Variants in SCAND3 observed in about 807,000 individuals in gnomAD.
SCAND3 encodes SCAN domain containing 3, also known as SCAN domain-containing protein 3.
At chr6:28,572,947 G>C in the SCAND3 span, 2 of 1,613,894 alleles carry the variant, frequency 1.2e-6, no homozygotes, top group East Asian at 2.2e-5. This position sits in a 1 kb window ranked among gnomAD's most constrained non-coding sequence, Gnocchi z 4.1. Flanking sequence ...TACCACTTCA[G>C]AATGTTTTCC....
chr6:28,572,241 G>T, the SCAND3 span: 13 of 1,613,418 alleles, frequency 8.1e-6, no homozygotes, highest in South Asian at 1.4e-4. The surrounding 1 kb of genome is among the most constrained non-coding windows in gnomAD (Gnocchi z 4.1). Flanking sequence ...TTAAATTTAA[G>T]TTATCTTTTG....
the SCAND3 span, chr6:28,572,678 T>C: frequency 3.1e-6 from 5 of 1,614,112 alleles, no homozygotes; most frequent in Non-Finnish European, 3.4e-6. This position sits in a 1 kb window ranked among gnomAD's most constrained non-coding sequence, Gnocchi z 4.1. Flanking sequence ...ATTTCAAACA[T>C]TCTTGACAGA....
At chr6:28,575,230 G>A in the SCAND3 span, 1 of 1,614,016 alleles carries the variant, frequency 6.2e-7, no homozygotes. This position sits in a 1 kb window ranked among gnomAD's most constrained non-coding sequence, Gnocchi z 4.2. Context: ...CCAGTGTGAT[G>A]AGTTGTTAGT....
chr6:28,571,208 G>C, the SCAND3 span: 6 of 152,234 alleles, frequency 3.9e-5, no homozygotes, highest in Non-Finnish European at 8.8e-5. Flanking sequence ...CAGTTACTCG[G>C]AAGACTGAGG....
the SCAND3 span, chr6:28,575,821 GT>G: frequency 6.2e-7 from 1 of 1,613,926 alleles, no homozygotes; most frequent in Non-Finnish European, 8.5e-7. The surrounding 1 kb of genome is among the most constrained non-coding windows in gnomAD (Gnocchi z 4.2). Flanking sequence ...TATTTTATCT[GT>G]TTCCCCATTT....
the SCAND3 span, among the ~76,000 whole-genome samples, chr6:28,601,463 A>G: frequency 6.6e-6 from 1 of 152,164 alleles, no homozygotes; most frequent in East Asian, 1.9e-4. Context: ...TTTCGATGCA[A>G]GCGTTAGCTG....
the SCAND3 span, chr6:28,573,101 C>A: frequency 6.2e-7 from 1 of 1,607,722 alleles, no homozygotes; most frequent in East Asian, 2.2e-5. Context: ...AAAAAGAACT[C>A]TTCCTTTATA....
chr6:28,593,120 G>A, the SCAND3 span, among the ~76,000 whole-genome samples: 1 of 151,532 alleles, frequency 6.6e-6, no homozygotes. Flanking sequence ...AAGTGAAGAG[G>A]CAAACCACAG....
the SCAND3 span, among the ~76,000 whole-genome samples, chr6:28,580,793 C>A: frequency 8.9e-6 from 1 of 112,006 alleles, no homozygotes; most frequent in Admixed American, 9.8e-5. Flanking sequence ...GACTCTCCCC[C>A]ACCCCCCCAC....
the SCAND3 span, among the ~76,000 whole-genome samples, chr6:28,597,187 T>A: frequency 7.2e-5 from 11 of 152,204 alleles, no homozygotes; most frequent in African/African-American, 2.7e-4. Context: ...TTTGAGAGAA[T>A]CTTGTACTCA....
At chr6:28,603,996 G>A in the SCAND3 span, among the ~76,000 whole-genome samples, 1 of 152,192 alleles carries the variant, frequency 6.6e-6, no homozygotes, top group African/African-American at 2.4e-5. Flanking sequence ...CTTATACAGT[G>A]ATAGTGTTCC....
chr6:28,574,868 C>G, the SCAND3 span: 3 of 1,613,920 alleles, frequency 1.9e-6, no homozygotes, highest in Non-Finnish European at 2.5e-6. Context: ...CAACTATTAA[C>G]ACCTGTGCAT....
the SCAND3 span, chr6:28,579,530 T>C: frequency 9.9e-7 from 1 of 1,011,522 alleles, no homozygotes; most frequent in Non-Finnish European, 1.5e-6. The surrounding 1 kb of genome is among the most constrained non-coding windows in gnomAD (Gnocchi z 4.5). Flanking sequence ...CAGTCTTTAC[T>C]GAATTCTTAA....
At chr6:28,593,451 G>C in the SCAND3 span, 2 of 151,940 alleles carry the variant, frequency 1.3e-5, no homozygotes, top group Admixed American at 1.3e-4. Flanking sequence ...GAGGCGGGCG[G>C]ATCACCTGAG....
the SCAND3 span, among the ~76,000 whole-genome samples, chr6:28,606,275 A>T: frequency 3.3e-5 from 5 of 152,134 alleles, no homozygotes; most frequent in Admixed American, 1.3e-4. Context: ...TCAACTTTTT[A>T]GTGAGTTATA....
At chr6:28,586,385 C>G in the SCAND3 span, 25 of 1,614,068 alleles carry the variant, frequency 1.5e-5, no homozygotes, top group Admixed American at 3.3e-5. This position sits in a 1 kb window ranked among gnomAD's most constrained non-coding sequence, Gnocchi z 4.4. Context: ...GCTCCCGCAC[C>G]CAAGACTGGA....
At chr6:28,583,128 C>T in the SCAND3 span, among the ~76,000 whole-genome samples, 3 of 151,858 alleles carry the variant, frequency 2.0e-5, no homozygotes, top group African/African-American at 7.3e-5. Flanking sequence ...CACGGTGGCT[C>T]ACGCCTGTAT....
At chr6:28,597,314 G>C in the SCAND3 span, among the ~76,000 whole-genome samples, 1 of 152,172 alleles carries the variant, frequency 6.6e-6, no homozygotes, top group Non-Finnish European at 1.5e-5. Context: ...CATCCTTTCA[G>C]AGGGTTAAAT....
chr6:28,600,504 G>A, the SCAND3 span, among the ~76,000 whole-genome samples: 4 of 152,124 alleles, frequency 2.6e-5, no homozygotes, highest in African/African-American at 7.2e-5. Context: ...ATGGTGGTGC[G>A]TGACTGTAGT....
Sources: allele counts gnomAD v4.1 joint callset (sites outside exome capture counted in the v4.1 genomes callset), GRCh38; gene constraint gnomAD v4.1.1; non-coding constraint Gnocchi (gnomAD v3.1); transcripts MANE v1.5; gene names NCBI Gene and HGNC (gene_info 2026-07-23, HGNC 2026-07-21).